The following ROBO2 variants were observed in gnomAD, a reference collection of about 807,000 sequenced individuals.
The protein encoded by ROBO2 is roundabout guidance receptor 2, also known as roundabout homolog 2.
Under a neutral mutation model 160.8 loss-of-function variants are expected in ROBO2, and 53 were observed. The observed-to-expected ratio is 0.33, with a 90% CI of 0.26 to 0.41. The LOEUF (loss-of-function observed/expected upper bound fraction) is 0.41. Among genes scored for constraint, ROBO2 ranks in the 10% least tolerant of loss-of-function variants. The pLI is 1.00. For synonymous variants in ROBO2, 664 were observed against 611.7 expected (o/e 1.09, Z -1.26); for missense variants, 1,577 against 1,722.4 (o/e 0.92, Z 1.49).
intron 2 of ROBO2, among the ~76,000 whole-genome samples, chr3:76,622,289 A>AAGGAAG (rs2089259059): frequency 1.0e-5 from 1 of 100,228 alleles, no homozygotes; most frequent in African/African-American, 4.0e-5. Flanking sequence ...AAAGAAAGAA[A>AAGGAAG]GAAAGAAAGA....
At chr3:76,810,446 A>G (rs2065073404) in intron 2 of ROBO2, among the ~76,000 whole-genome samples, 1 of 152,204 alleles carries the variant, frequency 6.6e-6, no homozygotes, top group African/African-American at 2.4e-5. Context: ...TAAACAGAGA[A>G]AAAAGATGAC....
chr3:76,019,167 C>A (rs1273502376), intron 2 of ROBO2, among the ~76,000 whole-genome samples: 2 of 151,646 alleles, frequency 1.3e-5, no homozygotes, highest in African/African-American at 2.4e-5. Flanking sequence ...GGTCTCCCCA[C>A]ATGGTTAGGT....
intron 2 of ROBO2, among the ~76,000 whole-genome samples, chr3:76,152,865 G>GA (rs1170090971): frequency 6.6e-6 from 1 of 151,768 alleles, no homozygotes; most frequent in Non-Finnish European, 1.5e-5. Context: ...TTTACATTTG[G>GA]AAAAAATTGA....
At chr3:76,580,837 A>C (rs1459881056) in intron 2 of ROBO2, among the ~76,000 whole-genome samples, 1 of 152,146 alleles carries the variant, frequency 6.6e-6, no homozygotes, top group African/African-American at 2.4e-5. Context: ...GTAACCACAA[A>C]TGCTTAAAAG....
chr3:75,927,318 G>A (rs1018581697), intron 1 of ROBO2, among the ~76,000 whole-genome samples: 30 of 152,070 alleles, frequency 2.0e-4, no homozygotes, highest in African/African-American at 6.8e-4. Context: ...AGCTGGTGTG[G>A]GGTCTCCTGA....
chr3:76,759,056 C>G (rs935821117), intron 2 of ROBO2, among the ~76,000 whole-genome samples: 1 of 151,786 alleles, frequency 6.6e-6, no homozygotes, highest in African/African-American at 2.4e-5. Flanking sequence ...ATTGACTAAA[C>G]ATATTGCAGC....
intron 2 of ROBO2, among the ~76,000 whole-genome samples, chr3:77,189,731 G>C (rs983781850): frequency 6.6e-6 from 1 of 151,832 alleles, no homozygotes; most frequent in Non-Finnish European, 1.5e-5. Flanking sequence ...AAACTATTTC[G>C]ATAGAACAGC....
At chr3:75,969,211 A>G (rs1240000892) in intron 2 of ROBO2, among the ~76,000 whole-genome samples, 2 of 150,276 alleles carry the variant, frequency 1.3e-5, no homozygotes, top group Non-Finnish European at 3.0e-5. Flanking sequence ...ACTATACATC[A>G]TAGTTTCTTT....
chr3:76,157,517 C>T (rs904237164), intron 2 of ROBO2, among the ~76,000 whole-genome samples: 15 of 152,082 alleles, frequency 9.9e-5, no homozygotes, highest in African/African-American at 3.6e-4. Flanking sequence ...GTACTCTGTG[C>T]TAATTATAGA....
chr3:76,010,928 C>G (rs1449159389), intron 2 of ROBO2, among the ~76,000 whole-genome samples: 1 of 152,024 alleles, frequency 6.6e-6, no homozygotes, highest in African/African-American at 2.4e-5. Flanking sequence ...AAATATTGCC[C>G]AAAATACATC....
chr3:77,095,105 T>C lies in ROBO2; in HGVS notation c.62-2909T>C, dbSNP rs199704106. On this transcript the variant is annotated intron_variant, in intron 1 of 25. Coordinates refer to ENST00000461745, the Ensembl canonical transcript of ROBO2. ...GAAGCCATCACCTAATTCAAAATCATAAAAAACTTGCCTCTATAATTTCTT... is the reference window on the plus strand; with the variant it reads ...GAAGCCATCACCTAATTCAAAATCACAAAAAACTTGCCTCTATAATTTCTT... 3.3e-5 allele frequency among the ~76,000 whole-genome samples: 5 copies of C among 152,226 alleles called. No homozygotes were observed. In the East Asian group the frequency reaches 9.7e-4, roughly 29 times the overall value.
intron 2 of ROBO2, among the ~76,000 whole-genome samples, chr3:76,307,663 T>C (rs571581243): frequency 2.0e-5 from 3 of 152,146 alleles, no homozygotes; most frequent in Admixed American, 2.0e-4. Context: ...CCAAGATCCA[T>C]GCGCCCGACT....
At chr3:77,268,795 G>A (rs2059301067) in intron 2 of ROBO2, among the ~76,000 whole-genome samples, 1 of 152,100 alleles carries the variant, frequency 6.6e-6, no homozygotes, top group South Asian at 2.1e-4. Context: ...CCCCTTTTCT[G>A]GGCATGGCTC....
intron 2 of ROBO2, among the ~76,000 whole-genome samples, chr3:76,270,710 A>C (rs988818724): frequency 3.3e-5 from 5 of 152,114 alleles, no homozygotes; most frequent in Non-Finnish European, 7.4e-5. Flanking sequence ...ATCCTTTAAA[A>C]ATACAAAAAG....
At chr3:76,865,076 T>C (rs1212832616) in intron 2 of ROBO2, among the ~76,000 whole-genome samples, 1 of 152,168 alleles carries the variant, frequency 6.6e-6, no homozygotes, top group Non-Finnish European at 1.5e-5. Flanking sequence ...AAGTTTATTT[T>C]CCCTAGAGAC....
intron 2 of ROBO2, among the ~76,000 whole-genome samples, chr3:76,945,185 G>A (rs1231442746): frequency 3.9e-5 from 6 of 152,160 alleles, no homozygotes; most frequent in Non-Finnish European, 8.8e-5. Flanking sequence ...TGGTAGAAGA[G>A]ATGATAGAAA....
chr3:76,237,979 T>A (rs973860337), intron 2 of ROBO2, among the ~76,000 whole-genome samples: 2 of 152,146 alleles, frequency 1.3e-5, no homozygotes, highest in Admixed American at 6.5e-5. Context: ...TGTGGAGACT[T>A]GGGGTCTGAT....
rs141795205 is a variant in ROBO2 at position 77,481,606 on chromosome 3, TA to T, written c.667+394del. On this transcript the variant is annotated intron_variant, in intron 4 of 25. Coordinates refer to ENST00000461745, the Ensembl canonical transcript of ROBO2. ...TTTTTAAAAGTTAGAGAGTATAGTA[TA>T]AAAAAACTTGTTTTCCAGTTCTTAG... Among the ~76,000 whole-genome samples the T allele has an allele frequency of 8.4e-4, 128 of 152,254 alleles. 5 individuals are homozygous for T. The East Asian group carries it at 0.025, about 29-fold the overall frequency.
At chr3:76,934,986 C>T (rs2077600288) in intron 2 of ROBO2, among the ~76,000 whole-genome samples, 2 of 147,768 alleles carry the variant, frequency 1.4e-5, no homozygotes, top group Admixed American at 6.7e-5. Context: ...CCATCTCACT[C>T]CTCTTGCCCA....
Sources: gnomAD v4.1 joint callset for allele counts (sites outside exome capture counted in the v4.1 genomes callset) on GRCh38, gnomAD v4.1.1 for gene constraint, MANE v1.5 for transcripts, NCBI Gene and HGNC (gene_info 2026-07-23, HGNC 2026-07-21) for gene names.